Variants in KMT2E observed in about 807,000 individuals in gnomAD.
The protein encoded by KMT2E is lysine methyltransferase 2E (inactive), also known as histone reader KMT2E.
In KMT2E, 30 loss-of-function variants were observed where a neutral mutation model predicts 184.6. The ratio of observed to expected loss-of-function variants is 0.16; its 90% CI spans 0.12 to 0.22. KMT2E has a LOEUF of 0.22. Ranked by LOEUF, KMT2E falls within the 10% of genes least tolerant of loss-of-function variation. The probability of loss-of-function intolerance (pLI) is 1.00; values close to 1 mark genes in which losing one functional copy is unlikely to be tolerated. For synonymous variants in KMT2E, 815 were observed against 776.5 expected, an observed-to-expected ratio of 1.05 and a Z score of -0.82; for missense variants, 2,023 against 2,237.4, an observed-to-expected ratio of 0.90 and a Z score of 1.93.
Position 105,027,260 on chromosome 7 carries a change from A to AT in KMT2E, c.-188-10857dup, listed in dbSNP as rs1406715558. Among the ~76,000 whole-genome samples, 5 of 150,520 alleles carry AT rather than the reference A, an allele frequency of 3.3e-5. No individual in the cohort carries two copies. The East Asian group carries it at 5.8e-4, about 18-fold the overall frequency. On this transcript the variant is annotated intron_variant, in intron 1 of 26. Transcript: ENST00000311117. Reference sequence around the variant, plus strand: ...ACCATGTCTGGCTAATTTAAAACAAATTTTTTTTTGTAGAGATAGGGTCTC... The same window carrying AT: ...ACCATGTCTGGCTAATTTAAAACAAATTTTTTTTTTGTAGAGATAGGGTCTC...
chr7:105,048,706 G>A (rs186588246), intron 3 of KMT2E, among the ~76,000 whole-genome samples: 1 of 152,322 alleles, frequency 6.6e-6, no homozygotes, highest in Non-Finnish European at 1.5e-5. Flanking sequence ...GACTTGCAAT[G>A]ATATGGTTTC....
In KMT2E at chr7:105,112,021, G is replaced by A. The variant is rs148035229; in HGVS notation, c.4265G>A (p.Arg1422His). The part of the protein sequence containing the change: ...SKNHPPQTHV[R>H]NSSEQLSQKL... ...AATCATCCTCCTCAGACACACGTTC[G>A]TAATTCATCTGAGCAACTTTCACAA... The change falls in exon 27 of 27, where the codon CGT (arginine) becomes CAT (histidine). Residue 1422 changes from arginine (R) to histidine (H), a missense_variant. Transcript: ENST00000311117. The A allele has an allele frequency of 2.4e-4, 382 of 1,614,036 alleles. No homozygotes were observed. Among genetic ancestry groups the A allele is most frequent in the Non-Finnish European group, 2.9e-4 (344 of 1,180,038 alleles).
At position 105,069,611 on chromosome 7, in the gene KMT2E, A is replaced by G. The variant is rs1797196389; in HGVS notation, c.497+2804A>G. ...AGGTCATTAATTTTATTGATTTTTA[A>G]AAAATTAAATGTTCTGAGTTGTAGA... On this transcript the variant is annotated intron_variant, in intron 6 of 26. Transcript: ENST00000311117. Among the ~76,000 whole-genome samples, 2 of 152,194 alleles carry G rather than the reference A, an allele frequency of 1.3e-5. 1 individual carries two copies. Among genetic ancestry groups the G allele is most frequent in the South Asian group, 4.1e-4 (2 of 4,830 alleles).
At chr7:105,048,507 T>C (rs549196883) in intron 3 of KMT2E, among the ~76,000 whole-genome samples, 2 of 152,358 alleles carry the variant, frequency 1.3e-5, no homozygotes, top group African/African-American at 4.8e-5. Context: ...TACTAGATTT[T>C]ATAGCTAGCT....
chr7:105,051,775 C>T (rs988121041), intron 3 of KMT2E, among the ~76,000 whole-genome samples: 1 of 151,672 alleles, frequency 6.6e-6, no homozygotes, highest in South Asian at 2.1e-4. Context: ...CGCGCCACCA[C>T]GCCCAGCTAA....
At chr7:105,041,715 T>C (rs1048402029) in intron 3 of KMT2E, among the ~76,000 whole-genome samples, 4 of 152,186 alleles carry the variant, frequency 2.6e-5, no homozygotes, top group African/African-American at 9.7e-5. Flanking sequence ...CGGGTATTTT[T>C]AGTTTGAATT....
At position 105,107,166 on chromosome 7, in the gene KMT2E, A is replaced by G. The variant is rs1020765416; in HGVS notation, c.2848A>G (p.Asn950Asp). The change falls in exon 21 of 27, where the codon AAT (asparagine) becomes GAT (aspartate). Residue 950 changes from asparagine to aspartate, a missense_variant and splice_region_variant. Asn to Asp is a conservative substitution (Grantham distance 23). Coordinates refer to ENST00000311117, the MANE Select transcript of KMT2E (RefSeq NM_182931.3). ...ATTCTAATTCTTTCTTTATATACAG[A>G]ATATTTCTTCCCCAGAAAGTTCTCC... Reference protein sequence around the residue: ...GTPGNTMHFENISSPESSPEI... With the variant: ...GTPGNTMHFEDISSPESSPEI... The G allele has an allele frequency of 4.8e-6, 7 of 1,457,886 alleles. No individual in the cohort carries two copies. The highest frequency in any genetic ancestry group is 5.7e-6 in the Non-Finnish European group (6 of 1,058,854). 90.3% of individuals were successfully genotyped at this position (1,457,886 alleles called of 1,614,324 possible).
chr7:105,089,930 T>C, intron 13 of KMT2E, 79 bp from the exon 14 acceptor site: 1 of 1,549,108 alleles, frequency 6.5e-7, no homozygotes, highest in Non-Finnish European at 8.7e-7. Context: ...TTTTGTGGAG[T>C]TGCAGCTTAA....
chr7:105,020,466 T>C (rs1442687817), intron 1 of KMT2E, among the ~76,000 whole-genome samples: 1 of 152,008 alleles, frequency 6.6e-6, no homozygotes, highest in Non-Finnish European at 1.5e-5. Flanking sequence ...GTGCCTGTAA[T>C]CCCAGCTACT....
intron 25 of KMT2E, 50 bp from the exon 26 acceptor site, chr7:105,110,719 CAG>C (rs1799197115): frequency 1.9e-6 from 3 of 1,581,450 alleles, no homozygotes; most frequent in South Asian, 2.2e-5. Context: ...GGTGTTAAAA[CAG>C]TGTTTATTGT....
chr7:105,019,073 A>G (rs1794838094), intron 1 of KMT2E, among the ~76,000 whole-genome samples: 1 of 152,160 alleles, frequency 6.6e-6, no homozygotes, highest in East Asian at 1.9e-4. Context: ...AATTAACCAT[A>G]TTATGATGCA....
At chr7:105,032,458 G>A (rs78768975) in intron 1 of KMT2E, among the ~76,000 whole-genome samples, 9 of 152,020 alleles carry the variant, frequency 5.9e-5, no homozygotes, top group Admixed American at 3.9e-4. Context: ...AAAAAAAAGC[G>A]TTTGCAGGAT....
At chr7:105,087,128 A>T (rs545767932) in intron 13 of KMT2E, among the ~76,000 whole-genome samples, 2 of 147,348 alleles carry the variant, frequency 1.4e-5, no homozygotes, top group African/African-American at 2.5e-5. Flanking sequence ...TGTATGTGCT[A>T]ATGTATATTA....
chr7:105,078,804 G>A (rs376118558), intron 11 of KMT2E, 42 bp from the exon 12 acceptor site: 27 of 1,149,748 alleles, frequency 2.3e-5, no homozygotes, highest in African/African-American at 9.2e-5. Context: ...CAGCATGCCC[G>A]GCCTAAAATG....
chr7:105,023,577 A>G (rs1795050191), intron 1 of KMT2E, among the ~76,000 whole-genome samples: 1 of 150,826 alleles, frequency 6.6e-6, no homozygotes, highest in Non-Finnish European at 1.5e-5. Flanking sequence ...CCCTAGTAGC[A>G]GGGACTACAG....
At chr7:105,108,893 T>TA (rs1799039664) in intron 22 of KMT2E, 49 bp from the exon 23 acceptor site, 3 of 1,486,936 alleles carry the variant, frequency 2.0e-6, no homozygotes, top group Non-Finnish European at 2.7e-6. Context: ...GGTTCTGACA[T>TA]AAAAAACAAG....
chr7:105,049,619 G>A (rs567601305), intron 3 of KMT2E, among the ~76,000 whole-genome samples: 5 of 152,062 alleles, frequency 3.3e-5, no homozygotes, highest in Admixed American at 2.0e-4. Flanking sequence ...GGCCAGGCGC[G>A]GTGGCTCACG....
rs1266266406 is a variant in KMT2E, at chr7:105,112,731, G to A, written c.4975G>A (p.Val1659Ile). Reference protein sequence around the residue: ...QHSVAHVVGPVHAVTPGSHIH... With the variant: ...QHSVAHVVGPIHAVTPGSHIH... ...CTCTGTAGCACATGTAGTAGGGCCT[G>A]TTCATGCGGTCACCCCTGGGTCGCA... The change falls in exon 27 of 27, where the codon GTT (valine) becomes ATT (isoleucine). Residue 1659 changes from valine to isoleucine, a missense_variant. This residue lies in a region of KMT2E where 1,108 missense variants were observed against 1,050.9 expected (regional missense o/e 1.05). Coordinates refer to ENST00000311117, the MANE Select transcript of KMT2E (RefSeq NM_182931.3). 2 of 1,613,568 alleles carry A rather than the reference G, an allele frequency of 1.2e-6. No individual in the cohort carries two copies. The highest frequency in any genetic ancestry group is 1.7e-6 in the Non-Finnish European group (2 of 1,179,942).
rs75579783 is a variant in KMT2E, at chr7:105,093,155, A to G, written c.1722+1841A>G. 3.7e-3 allele frequency among the ~76,000 whole-genome samples: 559 copies of G among 152,290 alleles called. 15 individuals carry two copies. The East Asian group carries it at 0.063, about 17-fold the overall frequency. On this transcript the variant is annotated intron_variant, in intron 15 of 26. Transcript: ENST00000311117. Reference sequence around the variant, plus strand: ...GGCTGCACTGAGCTGTGATCCTACCACTGCACTCCAGCCTAGGTGATGACA... The same window carrying G: ...GGCTGCACTGAGCTGTGATCCTACCGCTGCACTCCAGCCTAGGTGATGACA...
Sources: gnomAD v4.1 joint callset for allele counts (sites outside exome capture counted in the v4.1 genomes callset) on GRCh38, gnomAD v4.1.1 for gene constraint, gnomAD v4.1.1 regional missense constraint, MANE v1.5 for transcripts, NCBI Gene and HGNC (gene_info 2026-07-23, HGNC 2026-07-21) for gene names.